The following KCNJ6 variants were observed in gnomAD, a reference collection of about 807,000 sequenced individuals.
The protein encoded by KCNJ6 is potassium inwardly rectifying channel subfamily J member 6, also known as G protein-activated inward rectifier potassium channel 2.
A neutral mutation model predicts 34.2 loss-of-function variants in KCNJ6; 9 were observed. The ratio of observed to expected loss-of-function variants is 0.26; its 90% confidence interval spans 0.16 to 0.46. The LOEUF is 0.46. Among genes scored for constraint, KCNJ6 ranks in the 20% least tolerant of loss-of-function variants. KCNJ6 has a pLI of 1.00. For synonymous variants in KCNJ6, 196 were observed against 207.1 expected (o/e 0.95, Z 0.46); for missense variants, 236 against 531.3 (o/e 0.44, Z 5.46).
intron 2 of KCNJ6, among the ~76,000 whole-genome samples, chr21:37,796,835 G>A (rs111233813): frequency 1.6e-5 from 2 of 121,510 alleles, no homozygotes; most frequent in East Asian, 2.8e-4. Flanking sequence ...CGCCCAGGCC[G>A]GACTGCGGAC....
Position 37,617,046 on chromosome 21 carries a change from TTCTTTCTTTTCTTTTC to T in KCNJ6, c.*8097_*8112del, listed in dbSNP as rs2054272191. 1 of 2,742 alleles carries T rather than the reference TTCTTTCTTTTCTTTTC, an allele frequency of 3.6e-4. No homozygotes were observed. Among genetic ancestry groups the T allele is most frequent in the Admixed American group, 5.1e-3 (1 of 196 alleles). 0.2% of individuals were successfully genotyped at this position (2,742 alleles called of 1,614,324 possible). A position where few individuals can be genotyped will look rare whatever the true frequency, so the allele number is the denominator to read the frequency against. On this transcript the variant is annotated 3_prime_UTR_variant, in exon 4 of 4. Coordinates refer to ENST00000609713, the MANE Select transcript of KCNJ6 (RefSeq NM_002240.5). ...TTTCTTTCTTTCTTTCTTTCTTTCT[TTCTTTCTTTTCTTTTC>T]TTTTCTTTTCTTTTCTTTCTTTTTC...
intron 2 of KCNJ6, among the ~76,000 whole-genome samples, chr21:37,757,617 T>G (rs2055036632): frequency 6.6e-6 from 1 of 151,810 alleles, no homozygotes; most frequent in African/African-American, 2.4e-5. Flanking sequence ...GAGCACTCCC[T>G]CACAGTGTGA....
At chr21:37,912,193 G>A (rs1029393270) in intron 1 of KCNJ6, among the ~76,000 whole-genome samples, 3 of 152,112 alleles carry the variant, frequency 2.0e-5, no homozygotes, top group African/African-American at 4.8e-5. Flanking sequence ...GAATGGGGGC[G>A]AATTTTCACA....
intron 1 of KCNJ6, among the ~76,000 whole-genome samples, chr21:37,882,245 G>A (rs183567108): frequency 1.3e-5 from 2 of 152,194 alleles, no homozygotes; most frequent in Admixed American, 1.3e-4. Context: ...GGGGGTTGTA[G>A]CCTTGGGTTG....
At chr21:37,720,737 G>T (rs2054821436) in intron 2 of KCNJ6, among the ~76,000 whole-genome samples, 1 of 141,596 alleles carries the variant, frequency 7.1e-6, no homozygotes. Flanking sequence ...GTCTCGCTCT[G>T]TCGCCCAGGC....
intron 1 of KCNJ6, among the ~76,000 whole-genome samples, chr21:37,889,383 C>T (rs1282493768): frequency 6.6e-6 from 1 of 151,334 alleles, no homozygotes; most frequent in African/African-American, 2.4e-5. Context: ...AATCCCCATG[C>T]TGCATTCCTT....
intron 2 of KCNJ6, among the ~76,000 whole-genome samples, chr21:37,805,161 T>A (rs534669446): frequency 7.2e-5 from 11 of 152,260 alleles, no homozygotes; most frequent in Admixed American, 6.5e-4. Flanking sequence ...TTTGGGGTGA[T>A]AGAAATGTTC....
chr21:37,893,406 C>T (rs1016365375), intron 1 of KCNJ6, among the ~76,000 whole-genome samples: 5 of 151,962 alleles, frequency 3.3e-5, no homozygotes, highest in African/African-American at 1.2e-4. Flanking sequence ...TGGGGTTTCA[C>T]TATCTTGGCC....
chr21:37,717,846 T>C (rs2054801931), intron 2 of KCNJ6, among the ~76,000 whole-genome samples: 1 of 152,218 alleles, frequency 6.6e-6, no homozygotes, highest in Non-Finnish European at 1.5e-5. Flanking sequence ...TATATCATAC[T>C]TAAAAAATGT....
In KCNJ6 at chr21:37,797,572, C is replaced by T. The variant is rs370613234; in HGVS notation, c.25+43086G>A. Among the ~76,000 whole-genome samples, 219 of 152,240 alleles carry T rather than the reference C, an allele frequency of 1.4e-3. 2 individuals are homozygous for T. The South Asian group carries it at 0.029, about 20-fold the overall frequency. On this transcript the variant is annotated intron_variant, in intron 2 of 3. Transcript: ENST00000609713. Reference sequence around the variant, plus strand: ...ACATGACAGTGACACTGTTGACTCACTACCAACTGACATTTTCCCGCCTGT... The same window carrying T: ...ACATGACAGTGACACTGTTGACTCATTACCAACTGACATTTTCCCGCCTGT...
rs1188272777 is a variant in KCNJ6, at chr21:37,906,646, TC to T, written c.-28+9237del. 2.0e-5 allele frequency among the ~76,000 whole-genome samples: 3 copies of T among 152,192 alleles called. 1 individual carries two copies. The highest frequency in any genetic ancestry group is 7.2e-5 in the African/African-American group (3 of 41,444). ...AACCACTGACCTCAGCTGACTTTCA[TC>T]AGCTCTGATGCCTCCTTTTGTCCAC... is the stretch of plus-strand genomic sequence containing the variant. On this transcript the variant is annotated intron_variant, in intron 1 of 3. Transcript: ENST00000609713.
rs1031043243 is a variant in KCNJ6, at chr21:37,637,425, AT to A, written c.947-11942del. Among the ~76,000 whole-genome samples the A allele has an allele frequency of 1.7e-3, 263 of 152,344 alleles. 1 individual carries two copies. Among genetic ancestry groups the A allele is most frequent in the African/African-American group, 6.1e-3 (255 of 41,578 alleles). ...TAAAAATGTCTAAAAAAGATCCTAC[AT>A]GTGTACTCCTAATTCTATTCTCACC... is the stretch of plus-strand genomic sequence containing the variant. On this transcript the variant is annotated intron_variant, in intron 3 of 3. Transcript: ENST00000609713.
intron 1 of KCNJ6, among the ~76,000 whole-genome samples, chr21:37,858,257 G>C (rs916417919): frequency 6.6e-6 from 1 of 151,696 alleles, no homozygotes; most frequent in African/African-American, 2.4e-5. Flanking sequence ...GCCAGGCGTA[G>C]TGGCGGGCGC....
intron 3 of KCNJ6, among the ~76,000 whole-genome samples, chr21:37,633,178 G>A (rs1375489392): frequency 6.6e-6 from 1 of 152,070 alleles, no homozygotes; most frequent in Non-Finnish European, 1.5e-5. Flanking sequence ...TGCAAGGGTG[G>A]TTTAACCTTA....
At chr21:37,665,437 A>G (rs1215225112) in intron 3 of KCNJ6, among the ~76,000 whole-genome samples, 1 of 152,204 alleles carries the variant, frequency 6.6e-6, no homozygotes, top group African/African-American at 2.4e-5. Flanking sequence ...AATTGGCAGG[A>G]TGTGGACGAA....
chr21:37,829,821 A>G (rs1479123173), intron 2 of KCNJ6, among the ~76,000 whole-genome samples: 2 of 152,304 alleles, frequency 1.3e-5, no homozygotes, highest in South Asian at 2.1e-4. Context: ...GGCAAATGGA[A>G]CCAAGTGAAA....
chr21:37,625,744 T>A (rs2054307911), intron 3 of KCNJ6, among the ~76,000 whole-genome samples: 1 of 152,212 alleles, frequency 6.6e-6, no homozygotes, highest in Admixed American at 6.5e-5. Context: ...GCCATGCACA[T>A]GCAAAGGAAA....
At chr21:37,819,682 C>A (rs1001008977) in intron 2 of KCNJ6, among the ~76,000 whole-genome samples, 3 of 152,136 alleles carry the variant, frequency 2.0e-5, no homozygotes, top group Non-Finnish European at 4.4e-5. Flanking sequence ...TGAAGGGTGC[C>A]AGGTAAGACC....
rs187264456 is a variant in KCNJ6 at position 37,716,584 on chromosome 21, T to C, written c.26-1453A>G. On this transcript the variant is annotated intron_variant, in intron 2 of 3. Transcript: ENST00000609713. The stretch of plus-strand genomic sequence containing the variant: ...TTTCATGGAGACGGGGGTCTCACTA[T>C]GTTGCTCAGACTGGTCTTGAACTCC... Among the ~76,000 whole-genome samples the C allele has an allele frequency of 3.3e-3, 509 of 152,150 alleles. 7 individuals are homozygous for C. Among genetic ancestry groups the C allele is most frequent in the African/African-American group, 0.012 (492 of 41,494 alleles).
Sources: allele counts gnomAD v4.1 joint callset (sites outside exome capture counted in the v4.1 genomes callset), GRCh38; gene constraint gnomAD v4.1.1; transcripts MANE v1.5; gene names NCBI Gene and HGNC (gene_info 2026-07-23, HGNC 2026-07-21).